Variants in CTNNA3 observed in about 807,000 individuals in gnomAD.
CTNNA3 encodes the protein catenin alpha-3.
A neutral mutation model predicts 95.7 loss-of-function variants in CTNNA3; 76 were observed. The ratio of observed to expected loss-of-function variants is 0.79; its 90% CI spans 0.66 to 0.96. The LOEUF is 0.96. Among genes scored for constraint, CTNNA3 ranks in the 40% least tolerant of loss-of-function variants. The pLI is 0.00. For synonymous variants in CTNNA3, 431 were observed against 374.4 expected (o/e 1.15, Z -1.74); for missense variants, 1,191 against 1,089.8 (o/e 1.09, Z -1.31).
chr10:66,213,280 T>C (rs2088290245), intron 13 of CTNNA3, among the ~76,000 whole-genome samples: 1 of 152,040 alleles, frequency 6.6e-6, no homozygotes, highest in African/African-American at 2.4e-5. Context: ...AAGATGAGTG[T>C]AGAAAAAAAA....
chr10:67,236,272 CAAT>C (rs1241021490), intron 5 of CTNNA3, among the ~76,000 whole-genome samples: 1 of 150,134 alleles, frequency 6.7e-6, no homozygotes, highest in Non-Finnish European at 1.5e-5. Context: ...AAATGTCCAA[CAAT>C]GATAGACTGG....
At chr10:66,818,479 G>A (rs1454857952) in intron 7 of CTNNA3, among the ~76,000 whole-genome samples, 1 of 152,110 alleles carries the variant, frequency 6.6e-6, no homozygotes, top group Non-Finnish European at 1.5e-5. Flanking sequence ...CACTTGAACA[G>A]TCTGAATATG....
chr10:67,194,343 C>A (rs980629840), intron 6 of CTNNA3, among the ~76,000 whole-genome samples: 9 of 151,986 alleles, frequency 5.9e-5, no homozygotes, highest in Non-Finnish European at 1.3e-4. Flanking sequence ...AATGGATAAA[C>A]TGTGGTACAT....
intron 6 of CTNNA3, among the ~76,000 whole-genome samples, chr10:67,184,463 A>G (rs915499906): frequency 6.6e-6 from 1 of 152,176 alleles, no homozygotes; most frequent in Non-Finnish European, 1.5e-5. Flanking sequence ...CCGGAGCAAC[A>G]TTTTTGACAC....
intron 1 of CTNNA3, among the ~76,000 whole-genome samples, chr10:67,681,900 G>A (rs900128248): frequency 1.3e-5 from 2 of 152,108 alleles, no homozygotes; most frequent in African/African-American, 4.8e-5. Flanking sequence ...GCTCATGCCT[G>A]TAATCCCAGC....
At chr10:66,688,156 T>C (rs543569364) in intron 9 of CTNNA3, among the ~76,000 whole-genome samples, 1 of 152,264 alleles carries the variant, frequency 6.6e-6, no homozygotes, top group Admixed American at 6.5e-5. Context: ...AGGATTTACA[T>C]GGCAGGAGAG....
At chr10:66,209,589 T>G (rs2087999092) in intron 13 of CTNNA3, among the ~76,000 whole-genome samples, 2 of 152,082 alleles carry the variant, frequency 1.3e-5, no homozygotes, top group African/African-American at 4.8e-5. Context: ...TGTGAGGAAG[T>G]TAATGGAATA....
chr10:66,162,679 C>T (rs1363202585), intron 13 of CTNNA3, among the ~76,000 whole-genome samples: 1 of 152,072 alleles, frequency 6.6e-6, no homozygotes, highest in East Asian at 1.9e-4. Context: ...TATTTTTGTG[C>T]TGGTTGGCCT....
chr10:67,122,054 C>A (rs1443135842), intron 7 of CTNNA3, among the ~76,000 whole-genome samples: 1 of 145,626 alleles, frequency 6.9e-6, no homozygotes, highest in Non-Finnish European at 1.5e-5. Context: ...TCCTAGAATG[C>A]CAGTCAAGGA....
At chr10:66,351,597 G>A (rs970071902) in intron 12 of CTNNA3, among the ~76,000 whole-genome samples, 42 of 151,898 alleles carry the variant, frequency 2.8e-4, no homozygotes, top group African/African-American at 8.4e-4. Context: ...TTAGATTTAC[G>A]GTATGCTGCA....
chr10:66,571,195 AT>A (rs1406541921), intron 10 of CTNNA3, among the ~76,000 whole-genome samples: 1 of 152,146 alleles, frequency 6.6e-6, no homozygotes, highest in East Asian at 1.9e-4. Flanking sequence ...GTATCGAAGC[AT>A]TTGTTCTGGA....
upstream of CTNNA3, among the ~76,000 whole-genome samples, chr10:67,697,674 A>G (rs949607540): frequency 1.3e-5 from 2 of 152,256 alleles, no homozygotes; most frequent in Non-Finnish European, 2.9e-5. Context: ...AAACCTTCTT[A>G]CAGAATTTGG....
intron 5 of CTNNA3, among the ~76,000 whole-genome samples, chr10:67,292,474 G>T (rs1222098839): frequency 6.6e-6 from 1 of 151,926 alleles, no homozygotes; most frequent in Admixed American, 6.6e-5. Context: ...AACAATAAGC[G>T]CAATGATTGT....
Position 65,988,680 on chromosome 10 carries a change from T to A in CTNNA3, c.2265+12A>T. The stretch of plus-strand genomic sequence containing the variant: ...CATGAACTTTTATGATGTCCACTTG[T>A]AAGTAACTCACCTGATTAGCAATCT... On this transcript the variant is annotated intron_variant, in intron 16 of 17. Coordinates refer to ENST00000433211, the MANE Select transcript of CTNNA3 (RefSeq NM_013266.4). 1 of 1,605,156 alleles carries A rather than the reference T, an allele frequency of 6.2e-7. No individual in the cohort carries two copies. The highest frequency in any genetic ancestry group is 1.1e-5 in the South Asian group (1 of 90,822).
intron 9 of CTNNA3, among the ~76,000 whole-genome samples, chr10:66,639,881 G>A (rs994836399): frequency 2.0e-5 from 3 of 151,926 alleles, no homozygotes; most frequent in Admixed American, 1.3e-4. Context: ...ATTCATTACT[G>A]TAGTCATTTT....
chr10:67,589,677 C>T (rs1000298448), intron 3 of CTNNA3, among the ~76,000 whole-genome samples: 5 of 152,002 alleles, frequency 3.3e-5, no homozygotes, highest in Non-Finnish European at 7.4e-5. Context: ...AAGAGAATGC[C>T]TTTTCTATTG....
At chr10:67,125,045 G>A (rs964793775) in intron 7 of CTNNA3, among the ~76,000 whole-genome samples, 6 of 152,170 alleles carry the variant, frequency 3.9e-5, no homozygotes, top group Admixed American at 1.3e-4. Context: ...GCAGTGCCTC[G>A]AAGGAATCAA....
chr10:66,997,324 T>C (rs556010986), intron 7 of CTNNA3, among the ~76,000 whole-genome samples: 1 of 152,336 alleles, frequency 6.6e-6, no homozygotes, highest in African/African-American at 2.4e-5. Flanking sequence ...GAGCAGGAAA[T>C]ACTTATTACC....
intron 9 of CTNNA3, among the ~76,000 whole-genome samples, chr10:66,640,326 T>A (rs1420782492): frequency 6.6e-6 from 1 of 152,128 alleles, no homozygotes; most frequent in Non-Finnish European, 1.5e-5. Flanking sequence ...GGAAACTACC[T>A]TCCCCAAGGC....
Sources: allele counts gnomAD v4.1 joint callset (sites outside exome capture counted in the v4.1 genomes callset), GRCh38; gene constraint gnomAD v4.1.1; transcripts MANE v1.5; gene names NCBI Gene and HGNC (gene_info 2026-07-23, HGNC 2026-07-21).